TMLHE: variants seen among roughly 807,000 people sequenced by gnomAD.
The protein encoded by TMLHE is trimethyllysine dioxygenase, mitochondrial.
A neutral mutation model predicts 25.7 loss-of-function variants in TMLHE; 18 were observed. The observed-to-expected ratio is 0.70, with a 90% CI of 0.48 to 1.04. The LOEUF is 1.04. Among genes scored for constraint, TMLHE ranks in the 50% least tolerant of loss-of-function variants. The pLI, the probability that TMLHE is intolerant of heterozygous loss-of-function variation, is 0.00. For synonymous variants in TMLHE, 105 were observed against 97.0 expected (o/e 1.08, Z -0.49); for missense variants, 236 against 259.0 (o/e 0.91, Z 0.61).
intron 3 of TMLHE, among the ~76,000 whole-genome samples, chrX:155,522,228 C>A (rs2067192331): frequency 9.0e-6 from 1 of 111,528 alleles, no homozygotes; most frequent in Admixed American, 9.5e-5. Context: ...TTTTTTCCTC[C>A]AATGCTTTTT....
intron 1 of TMLHE, among the ~76,000 whole-genome samples, chrX:155,607,111 C>T (rs2067791646): frequency 9.0e-6 from 1 of 111,435 alleles, no homozygotes; most frequent in Non-Finnish European, 1.9e-5. Context: ...TCCCTAACTC[C>T]TTCTTTGAGG....
chrX:155,553,762 T>C (rs1395854543), intron 1 of TMLHE, among the ~76,000 whole-genome samples: 1 of 110,313 alleles, frequency 9.1e-6, no homozygotes. Flanking sequence ...TGTACTAATA[T>C]GGTAATTTGT....
At chrX:155,546,051 G>T (rs782442784) in intron 1 of TMLHE, among the ~76,000 whole-genome samples, 25 of 110,226 alleles carry the variant, frequency 2.3e-4, no homozygotes, top group South Asian at 1.9e-3. Context: ...TTTCTTCTCC[G>T]CTGGTTATGT....
At chrX:155,541,151 CCTG>C (rs2067308430) in intron 2 of TMLHE, among the ~76,000 whole-genome samples, 1 of 110,740 alleles carries the variant, frequency 9.0e-6, no homozygotes, top group African/African-American at 3.3e-5. Flanking sequence ...CACCCATCAA[CCTG>C]TCATCTACAT....
chrX:155,608,564 A>C (rs1039499518), intron 1 of TMLHE, among the ~76,000 whole-genome samples: 11 of 112,365 alleles, frequency 9.8e-5, no homozygotes, highest in African/African-American at 3.6e-4. Flanking sequence ...AATAGCACCT[A>C]GTTAAACTGA....
intron 1 of TMLHE, among the ~76,000 whole-genome samples, chrX:155,560,277 G>A (rs180939521): frequency 2.7e-5 from 3 of 110,100 alleles, no homozygotes; most frequent in Non-Finnish European, 3.8e-5. Context: ...AGAAACCTTC[G>A]CTGACACTCT....
At chrX:155,596,502 A>G (rs1272121162) in intron 1 of TMLHE, among the ~76,000 whole-genome samples, 1 of 111,291 alleles carries the variant, frequency 9.0e-6, no homozygotes, top group Non-Finnish European at 1.9e-5. Context: ...TATAGAAAGA[A>G]TTGTCAATGC....
chrX:155,599,508 G>A (rs186411533), intron 1 of TMLHE, among the ~76,000 whole-genome samples: 1 of 111,591 alleles, frequency 9.0e-6, no homozygotes, highest in East Asian at 2.8e-4. Flanking sequence ...GGTGATAGAA[G>A]CAAAATACAC....
chrX:155,539,838 A>G (rs2124400812), intron 2 of TMLHE, among the ~76,000 whole-genome samples: 1 of 111,177 alleles, frequency 9.0e-6, no homozygotes, highest in East Asian at 2.8e-4. Context: ...ATCAACAAAT[A>G]AATAAAAGTA....
chrX:155,547,959 C>T (rs889394578), intron 1 of TMLHE, among the ~76,000 whole-genome samples: 1 of 111,120 alleles, frequency 9.0e-6, no homozygotes, highest in African/African-American at 3.3e-5. Context: ...AACAAAGTCT[C>T]TCCTCCCCCA....
chrX:155,605,759 T>G (rs2067783179), intron 1 of TMLHE, among the ~76,000 whole-genome samples: 1 of 111,593 alleles, frequency 9.0e-6, no homozygotes, highest in Admixed American at 9.5e-5. Context: ...TAATCTTAAG[T>G]GTAAATGGGC....
chrX:155,551,226 T>C (rs782588683), intron 1 of TMLHE, among the ~76,000 whole-genome samples: 1 of 110,938 alleles, frequency 9.0e-6, no homozygotes, highest in Non-Finnish European at 1.9e-5. Flanking sequence ...TTTTTTTTAT[T>C]ATACTAAAAG....
intron 1 of TMLHE, among the ~76,000 whole-genome samples, chrX:155,548,490 C>T (rs1475158050): frequency 5.5e-5 from 6 of 108,824 alleles, no homozygotes; most frequent in Non-Finnish European, 1.1e-4. Context: ...AATCCCAGCA[C>T]TTTGGGAGGT....
chrX:155,558,821 T>TG (rs1229649721), intron 1 of TMLHE, among the ~76,000 whole-genome samples: 1 of 111,761 alleles, frequency 8.9e-6, no homozygotes, highest in Non-Finnish European at 1.9e-5. Flanking sequence ...TTATCATAAA[T>TG]GACTTATTAG....
chrX:155,542,946 G>A (rs782144136), intron 2 of TMLHE, among the ~76,000 whole-genome samples: 3 of 111,135 alleles, frequency 2.7e-5, no homozygotes, highest in Non-Finnish European at 5.7e-5. Flanking sequence ...GTGTGTGTGT[G>A]TGTGTGTGTT....
At chrX:155,578,738 G>A (rs1557344139) in intron 1 of TMLHE, among the ~76,000 whole-genome samples, 1 of 110,882 alleles carries the variant, frequency 9.0e-6, no homozygotes, top group Admixed American at 9.6e-5. Context: ...GCCTTCACCT[G>A]TTAACACCAG....
chrX:155,548,535 G>GCCAGGAGTTCGAGA (rs1557339341), intron 1 of TMLHE, among the ~76,000 whole-genome samples: 1 of 109,143 alleles, frequency 9.2e-6, no homozygotes, highest in Non-Finnish European at 1.9e-5. Flanking sequence ...GCAGTATGAG[G>GCCAGGAGTTCGAGA]CCAGCCTGAC....
intron 3 of TMLHE, among the ~76,000 whole-genome samples, chrX:155,519,150 A>G (rs371032375): frequency 3.8e-4 from 4 of 10,500 alleles, no homozygotes; most frequent in African/African-American, 7.8e-4. Context: ...TTTCTCTTGT[A>G]GGCATTTAGT....
chrX:155,516,840 C>G (rs1421983964), intron 3 of TMLHE, among the ~76,000 whole-genome samples: 1 of 63,859 alleles, frequency 1.6e-5, no homozygotes, highest in Non-Finnish European at 3.1e-5. Flanking sequence ...CTGTTCATGT[C>G]CTTTGCCCAC....
Sources: gnomAD v4.1 joint callset for allele counts (sites outside exome capture counted in the v4.1 genomes callset) on GRCh38, gnomAD v4.1.1 for gene constraint, MANE v1.5 for transcripts, NCBI Gene and HGNC (gene_info 2026-07-23, HGNC 2026-07-21) for gene names.